The following AKAP9 variants were observed in gnomAD, a reference collection of about 807,000 sequenced individuals.
AKAP9 encodes the protein A-kinase anchoring protein 9.
Under a neutral mutation model 488.5 loss-of-function variants are expected in AKAP9, and 311 were observed. That is an observed-to-expected ratio of 0.64 (90% CI 0.58 to 0.70). The LOEUF is 0.70. Among genes scored for constraint, AKAP9 ranks in the 30% least tolerant of loss-of-function variants. The probability of loss-of-function intolerance (pLI) is 0.00; values close to 1 mark genes in which losing one functional copy is unlikely to be tolerated. For missense variants in AKAP9, 4,215 were observed against 4,374.5 expected (o/e 0.96, Z 1.03); for synonymous variants, 1,462 against 1,483.5 (o/e 0.99, Z 0.33).
chr7:91,994,655 A>G lies in AKAP9; in HGVS notation c.611A>G (p.Asp204Gly). Residue 204 changes from aspartate to glycine, a missense_variant, in exon 6 of 50, where the codon GAT becomes GGT. Physicochemically the swap from Asp to Gly is moderately conservative, Grantham distance 94. Around this residue, in one of 5 missense-constraint regions of AKAP9, gnomAD observed 2,361 missense variants for 2,430.0 expected, o/e 0.97. Transcript: ENST00000356239. ...QEFEAAIKQRDGIITQLTANL... is the reference protein window; with the variant it reads ...QEFEAAIKQRGGIITQLTANL... ...TTTGAAGCTGCCATTAAACAAAGAG[A>G]TGGCATTATAACCCAGCTCACTGCT... 6.2e-7 allele frequency: 1 copy of G among 1,613,294 alleles called. No homozygotes were observed. Among genetic ancestry groups the G allele is most frequent in the Non-Finnish European group, 8.5e-7 (1 of 1,179,622 alleles).
rs1166485049 is a variant in AKAP9, at chr7:92,012,632, A to G, written c.3522A>G (p.Thr1174=). 6.2e-7 allele frequency: 1 copy of G among 1,609,132 alleles called. No homozygotes were observed. The highest frequency in any genetic ancestry group is 1.1e-5 in the South Asian group (1 of 90,756). The change falls in exon 9 of 50, where the codon ACA becomes ACG. Residue 1174 remains threonine (T), a synonymous_variant. Coordinates refer to ENST00000356239, the MANE Select transcript of AKAP9 (RefSeq NM_005751.5). ...IHQLELQTMK[T]QETGDEGKPL... is the part of the protein sequence containing the mutation. ...AGTTAGAACTACAGACTATGAAAAC[A>G]CAAGAAACAGGTAAAATGGTTTCTG... is the stretch of plus-strand genomic sequence containing the variant.
chr7:92,108,435 G>A (rs751491447), intron 48 of AKAP9, 59 bp from the exon 49 acceptor site: 2 of 1,586,576 alleles, frequency 1.3e-6, no homozygotes, highest in Non-Finnish European at 1.7e-6. Context: ...AGGCAGGTTG[G>A]TAACTTATAT....
rs371571557 is a variant in AKAP9, at chr7:92,083,290, A to G, written c.8281A>G (p.Ser2761Gly). 2 of 1,614,198 alleles carry G rather than the reference A, an allele frequency of 1.2e-6. No homozygotes were observed. The highest frequency in any genetic ancestry group is 1.7e-6 in the Non-Finnish European group (2 of 1,180,028). The part of the protein sequence containing the change: ...EKEDETEVQE[S>G]KKACMFEPLP... ...AGAAGATGAGACTGAGGTACAAGAAAGCAAAAAGGCCTGCATGTTTGAGCC... is the reference window on the plus strand; with the variant it reads ...AGAAGATGAGACTGAGGTACAAGAAGGCAAAAAGGCCTGCATGTTTGAGCC... Residue 2761 changes from serine to glycine, a missense_variant, in exon 33 of 50, where the codon AGC (serine) becomes GGC (glycine). By Grantham distance (56) the Ser-to-Gly change is moderately conservative. Around this residue, in one of 5 missense-constraint regions of AKAP9, gnomAD observed 1,476 missense variants for 1,477.4 expected, o/e 1.00. Coordinates refer to ENST00000356239, the MANE Select transcript of AKAP9 (RefSeq NM_005751.5).
rs2130900549 is a variant in AKAP9 at position 92,096,748 on chromosome 7, G to A, written c.9789G>A (p.Leu3263=). ...GGAATCTTCAGCTAAATCTACTTTT[G>A]GAACAACAGAAACAACTACTGAACG... is the stretch of plus-strand genomic sequence containing the variant. ...KQRNLQLNLL[L]EQQKQLLNES... is the part of the protein sequence containing the mutation. The change falls in exon 41 of 50, where the codon TTG becomes TTA. Residue 3263 remains leucine (L), a synonymous_variant. Transcript: ENST00000356239. The A allele has an allele frequency of 6.2e-7, 1 of 1,614,132 alleles. No homozygotes were observed. The highest frequency in any genetic ancestry group is 1.7e-5 in the Admixed American group (1 of 60,018).
Position 92,082,524 on chromosome 7 carries a change from A to T in AKAP9, c.8022A>T (p.Thr2674=), listed in dbSNP as rs1563110125. 5 of 1,613,572 alleles carry T rather than the reference A, an allele frequency of 3.1e-6. No individual in the cohort carries two copies. Among genetic ancestry groups the T allele is most frequent in the South Asian group, 1.1e-5 (1 of 91,076 alleles). ...CTTGTGTTTCCGCTGTCATTCAGAC[A>T]ACTACTGAGCTATTTCATAGCAATG... ...RSPQDVEVLK[T]TTELFHSNEE... is the part of the protein sequence containing the mutation. The change falls in exon 32 of 50, where the codon ACA becomes ACT. Residue 2674 remains threonine, a splice_region_variant and synonymous_variant. Transcript: ENST00000356239.
At chr7:92,028,944 T>C (rs1349170352) in intron 14 of AKAP9, among the ~76,000 whole-genome samples, 2 of 152,132 alleles carry the variant, frequency 1.3e-5, no homozygotes, top group African/African-American at 4.8e-5. Context: ...ATATAAGTTA[T>C]GAAATGGGAT....
Position 92,095,101 on chromosome 7 carries a change from G to A in AKAP9, c.9657G>A (p.Glu3219=), listed in dbSNP as rs371481793. The A allele has an allele frequency of 1.2e-6, 2 of 1,614,026 alleles. No homozygotes were observed. The highest frequency in any genetic ancestry group is 2.7e-5 in the African/African-American group (2 of 74,942). The change falls in exon 40 of 50, where the codon GAG becomes GAA. Residue 3219 remains glutamate (E), a synonymous_variant. Coordinates refer to ENST00000356239, the MANE Select transcript of AKAP9 (RefSeq NM_005751.5). The part of the protein sequence containing the change: ...TLASEQKKSR[E]LQWALEKEKA... The stretch of plus-strand genomic sequence containing the variant: ...CAAGTGAACAGAAAAAATCAAGAGA[G>A]CTCCAGTGGGCTTTGGAGAAAGAGA...
intron 3 of AKAP9, among the ~76,000 whole-genome samples, chr7:91,982,284 T>C (rs1045752366): frequency 3.3e-5 from 5 of 152,116 alleles, no homozygotes; most frequent in Non-Finnish European, 7.4e-5. Context: ...GCTGGTTTGC[T>C]GCACCCATCA....
chr7:92,034,677 GT>G (rs888637059), intron 16 of AKAP9, among the ~76,000 whole-genome samples: 68 of 140,796 alleles, frequency 4.8e-4, no homozygotes, highest in Non-Finnish European at 5.3e-4. Context: ...ATTTTTGTGG[GT>G]TTTTTTTTTT....
At chr7:91,965,280 G>A (rs1298178374) in intron 1 of AKAP9, among the ~76,000 whole-genome samples, 4 of 152,116 alleles carry the variant, frequency 2.6e-5, no homozygotes, top group Non-Finnish European at 5.9e-5. Context: ...GAGTGAGAAC[G>A]TCTGATATTT....
chr7:91,946,352 T>C (rs1029987224), intron 1 of AKAP9, among the ~76,000 whole-genome samples: 5 of 151,834 alleles, frequency 3.3e-5, no homozygotes, highest in African/African-American at 9.7e-5. Context: ...ATTGCAGCAA[T>C]AGTGCAGTGC....
chr7:91,980,402 T>G (rs964610918), intron 3 of AKAP9, 69 bp downstream of exon 3: 1 of 748,740 alleles, frequency 1.3e-6, no homozygotes. Context: ...AATCATTGAT[T>G]GTTGCTACTT....
intron 6 of AKAP9, among the ~76,000 whole-genome samples, chr7:91,994,986 C>T (rs1168247821): frequency 6.6e-6 from 1 of 151,994 alleles, no homozygotes; most frequent in African/African-American, 2.4e-5. Flanking sequence ...TCATTTCCTC[C>T]CTGTCTCTAT....
chr7:91,953,970 C>T (rs541595579), intron 1 of AKAP9, among the ~76,000 whole-genome samples: 2 of 152,142 alleles, frequency 1.3e-5, no homozygotes, highest in Admixed American at 6.5e-5. Context: ...TGTAAGCAGT[C>T]TAATTCTAGT....
In AKAP9 at chr7:92,012,683, A is replaced by C. The variant is rs764242177; in HGVS notation, c.3532+41A>C. The C allele has an allele frequency of 1.8e-5, 26 of 1,463,088 alleles. No individual in the cohort carries two copies. The South Asian group carries it at 2.9e-4, about 16-fold the overall frequency. 90.6% of individuals were successfully genotyped at this position (1,463,088 alleles called of 1,614,324 possible). A position where few individuals can be genotyped will look rare whatever the true frequency, so the allele number is the denominator to read the frequency against. On this transcript the variant is annotated intron_variant, in intron 9 of 49. Coordinates refer to ENST00000356239, the MANE Select transcript of AKAP9 (RefSeq NM_005751.5). ...ACTTATAAGTACCATGATCCAAATAAGTATTGGATAGAGCCCACCATTCTA... is the reference window on the plus strand; with the variant it reads ...ACTTATAAGTACCATGATCCAAATACGTATTGGATAGAGCCCACCATTCTA...
Position 92,083,365 on chromosome 7 carries a change from C to T in AKAP9, c.8356C>T (p.Leu2786=). Residue 2786 remains leucine (L), a synonymous_variant, in exon 33 of 50, where the codon CTG becomes TTG. Transcript: ENST00000356239. The part of the protein sequence containing the change: ...KSIASQTDGT[L]KISSSNQTPQ... The stretch of plus-strand genomic sequence containing the variant: ...CATTGCATCCCAGACAGATGGGACT[C>T]TGAAGATCAGTAGCAGCAATCAGAC... The T allele has an allele frequency of 6.2e-7, 1 of 1,613,982 alleles. No individual in the cohort carries two copies. The highest frequency in any genetic ancestry group is 8.5e-7 in the Non-Finnish European group (1 of 1,180,004).
Position 91,973,971 on chromosome 7 carries a change from A to G in AKAP9, c.306+3A>G, listed in dbSNP as rs1584651217. ...ATGAGCAGGGCTTCTCTGTGGAAGT[A>G]AGTATTCTCCCAGATTTTTAATCAT... On this transcript the variant is annotated splice_donor_region_variant and intron_variant, in intron 2 of 49. Coordinates refer to ENST00000356239, the MANE Select transcript of AKAP9 (RefSeq NM_005751.5). 1.9e-6 allele frequency: 3 copies of G among 1,613,920 alleles called. No individual in the cohort carries two copies. Among genetic ancestry groups the G allele is most frequent in the Non-Finnish European group, 2.5e-6 (3 of 1,179,910 alleles).
rs1158775876 is a variant in AKAP9, at chr7:92,033,441, T to C, written c.4338+1837T>C. Among the ~76,000 whole-genome samples the C allele has an allele frequency of 2.2e-5, 3 of 139,440 alleles. No homozygotes were observed. In the South Asian group the frequency reaches 6.9e-4, roughly 32 times the overall value. The allele number at this position is 139,440 out of a possible 152,430, so 91.5% of individuals were successfully genotyped here. On this transcript the variant is annotated intron_variant, in intron 16 of 49. Transcript: ENST00000356239. ...GAGCCATTTTTCTTTTCTTTTCTTT[T>C]CTTTTTTTTTTTTTTTTTTTTTGAG...
Position 92,042,767 on chromosome 7 carries a change from G to A in AKAP9, c.5158G>A (p.Glu1720Lys), listed in dbSNP as rs1300014926. The change falls in exon 20 of 50, where the codon GAA (glutamate) becomes AAA (lysine). Residue 1720 changes from glutamate (E) to lysine (K), a missense_variant. Around this residue, in one of 5 missense-constraint regions of AKAP9, gnomAD observed 2,361 missense variants for 2,430.0 expected, o/e 0.97. Transcript: ENST00000356239. ...EDVPPEILSNERYALQKANNR... is the reference protein window; with the variant it reads ...EDVPPEILSNKRYALQKANNR... ...TGTGCCTCCTGAGATTTTGTCTAATGAAAGGTATACAAAATGTGTACTTTT... is the reference window on the plus strand; with the variant it reads ...TGTGCCTCCTGAGATTTTGTCTAATAAAAGGTATACAAAATGTGTACTTTT... 1 of 1,599,610 alleles carries A rather than the reference G, an allele frequency of 6.3e-7. No homozygotes were observed. The highest frequency in any genetic ancestry group is 1.7e-5 in the Admixed American group (1 of 59,916).
Sources: gnomAD v4.1 joint callset for allele counts (sites outside exome capture counted in the v4.1 genomes callset) on GRCh38, gnomAD v4.1.1 for gene constraint, gnomAD v4.1.1 regional missense constraint, MANE v1.5 for transcripts, NCBI Gene and HGNC (gene_info 2026-07-23, HGNC 2026-07-21) for gene names.